The following USP48 variants were observed in gnomAD, a reference collection of about 807,000 sequenced individuals.
USP48 encodes the protein ubiquitin carboxyl-terminal hydrolase 48.
In USP48, 43 loss-of-function variants were observed where a neutral mutation model predicts 150.7. The observed-to-expected ratio is 0.29, with a 90% CI of 0.22 to 0.37. USP48 has a LOEUF of 0.37. Among genes scored for constraint, USP48 ranks in the 10% least tolerant of loss-of-function variants. The pLI is 1.00. For missense variants in USP48, 813 were observed against 1,249.6 expected (o/e 0.65, Z 5.27); for synonymous variants, 396 against 425.9 (o/e 0.93, Z 0.86).
rs571990782 is a variant in USP48 at position 21,730,448 on chromosome 1, G to GTTAAA, written c.1172-621_1172-617dup. On this transcript the variant is annotated intron_variant, in intron 9 of 26. Coordinates refer to ENST00000308271, the MANE Select transcript of USP48 (RefSeq NM_032236.8). The stretch of plus-strand genomic sequence containing the variant: ...GACTCTGTCTCATGAAAAAGAAAAA[G>GTTAAA]TTAAATTAAATTAAATTAAAAAATA... Among the ~76,000 whole-genome samples, 263 of 151,550 alleles carry GTTAAA rather than the reference G, an allele frequency of 1.7e-3. 1 individual carries two copies. The highest frequency in any genetic ancestry group is 6.1e-3 in the African/African-American group (250 of 41,282).
intron 10 of USP48, among the ~76,000 whole-genome samples, chr1:21,728,981 C>A (rs1428511196): frequency 6.6e-6 from 1 of 152,122 alleles, no homozygotes; most frequent in African/African-American, 2.4e-5. Flanking sequence ...CTCAAAATCA[C>A]CACTTTAGAA....
intron 14 of USP48, among the ~76,000 whole-genome samples, chr1:21,720,706 T>C (rs909311028): frequency 3.3e-5 from 5 of 152,090 alleles, no homozygotes; most frequent in Admixed American, 1.3e-4. Context: ...TATTTTTGTA[T>C]TTTTAGTAGA....
At chr1:21,773,425 G>A (rs1277731563) in intron 1 of USP48, among the ~76,000 whole-genome samples, 1 of 152,086 alleles carries the variant, frequency 6.6e-6, no homozygotes, top group Non-Finnish European at 1.5e-5. Context: ...CACTTTGGGA[G>A]GCCAAGGCTG....
At position 21,776,571 on chromosome 1, in the gene USP48, A is replaced by G. The variant is rs1385143715; in HGVS notation, c.134+6253T>C. 3.5e-5 allele frequency among the ~76,000 whole-genome samples: 5 copies of G among 144,550 alleles called. No individual in the cohort carries two copies. The East Asian group carries it at 1.1e-3, about 32-fold the overall frequency. 94.8% of individuals were successfully genotyped at this position (144,550 alleles called of 152,430 possible). A position where few individuals can be genotyped will look rare whatever the true frequency, so the allele number is the denominator to read the frequency against. On this transcript the variant is annotated intron_variant, in intron 1 of 26. Coordinates refer to ENST00000308271, the MANE Select transcript of USP48 (RefSeq NM_032236.8). ...AGACTCTGTCTCTATAAAAAAGGAG[A>G]AAGTGAATAGTGTCTTGTCTCAAAA... is the stretch of plus-strand genomic sequence containing the variant.
intron 1 of USP48, among the ~76,000 whole-genome samples, chr1:21,767,345 C>T (rs2097864608): frequency 1.3e-5 from 2 of 151,906 alleles, no homozygotes; most frequent in African/African-American, 4.8e-5. Context: ...GAGACGGTGT[C>T]TCGCTCTGTT....
chr1:21,729,339 T>A (rs1162419694), intron 10 of USP48, among the ~76,000 whole-genome samples: 1 of 150,306 alleles, frequency 6.7e-6, no homozygotes, highest in Non-Finnish European at 1.5e-5. Context: ...AAGTGCTGAG[T>A]AAAATGATTC....
chr1:21,775,105 T>C (rs189019655), intron 1 of USP48, among the ~76,000 whole-genome samples: 2 of 152,250 alleles, frequency 1.3e-5, no homozygotes, highest in East Asian at 1.9e-4. Context: ...CTTTGTTCTT[T>C]TTCCTTTGAG....
intron 22 of USP48, among the ~76,000 whole-genome samples, chr1:21,698,655 A>G (rs1430772041): frequency 6.6e-6 from 1 of 152,234 alleles, no homozygotes; most frequent in Non-Finnish European, 1.5e-5. Context: ...ACCAGAGAAC[A>G]GATAATTAGT....
chr1:21,727,103 A>C (rs757189466), intron 11 of USP48, among the ~76,000 whole-genome samples: 10 of 152,178 alleles, frequency 6.6e-5, no homozygotes, highest in Non-Finnish European at 1.3e-4. Context: ...AAAGGGCCAA[A>C]AGCACGTTCC....
Position 21,782,967 on chromosome 1 carries a change from C to G in USP48, c.-10G>C, listed in dbSNP as rs777829111. ...GCAGCCGCGGGGCCATGGCCTTGGC[C>G]CCAGGAACGCCTCCCGAGCCAGACC... On this transcript the variant is annotated 5_prime_UTR_variant, in exon 1 of 27. Transcript: ENST00000308271. 12 of 1,529,276 alleles carry G rather than the reference C, an allele frequency of 7.8e-6. No individual in the cohort carries two copies. In the South Asian group the frequency reaches 1.5e-4, roughly 19 times the overall value. 94.7% of individuals were successfully genotyped at this position (1,529,276 alleles called of 1,614,324 possible). A position where few individuals can be genotyped will look rare whatever the true frequency, so the allele number is the denominator to read the frequency against.
chr1:21,757,557 C>A (rs2097840037), intron 2 of USP48, 106 bp downstream of exon 2: 18 of 1,278,206 alleles, frequency 1.4e-5, no homozygotes, highest in Non-Finnish European at 1.9e-5. Context: ...TAAAGCTGCA[C>A]AGGTTACCTG....
At chr1:21,741,819 A>T (rs561616979) in intron 8 of USP48, among the ~76,000 whole-genome samples, 19 of 152,148 alleles carry the variant, frequency 1.2e-4, no homozygotes, top group Admixed American at 3.9e-4. Flanking sequence ...ATAAAAACTT[A>T]AAAAATTAAC....
intron 15 of USP48, among the ~76,000 whole-genome samples, chr1:21,710,527 T>C (rs1471929458): frequency 1.3e-5 from 2 of 152,222 alleles, no homozygotes; most frequent in Admixed American, 1.3e-4. Flanking sequence ...GAAAGCTTGA[T>C]ATATATAATA....
chr1:21,713,170 A>G (rs1446447889), intron 15 of USP48, among the ~76,000 whole-genome samples: 2 of 151,820 alleles, frequency 1.3e-5, no homozygotes, highest in Admixed American at 6.6e-5. Context: ...TGGCACGTGA[A>G]TATGGCTCAC....
chr1:21,756,368 C>T (rs482599), intron 3 of USP48, among the ~76,000 whole-genome samples, 178 bp downstream of exon 3: 1 of 150,422 alleles, frequency 6.6e-6, no homozygotes, highest in Non-Finnish European at 1.5e-5. Context: ...GTAATCCCAG[C>T]TTCTCAAGAG....
chr1:21,705,834 C>T lies in USP48; in HGVS notation c.2277G>A (p.Lys759=), dbSNP rs763030387. The change falls in exon 19 of 27, where the codon AAG becomes AAA. Residue 759 remains lysine, a synonymous_variant. Transcript: ENST00000308271. The part of the protein sequence containing the change: ...FVEEWRKFVR[K]PTRCSPVSSV... The stretch of plus-strand genomic sequence containing the variant: ...ATGACACAGGGCTGCATCTTGTAGG[C>T]TTTCTACTCAAATGAGACAAGGAGG... The T allele has an allele frequency of 5.6e-6, 9 of 1,595,328 alleles. No individual in the cohort carries two copies. In the South Asian group the frequency reaches 9.3e-5, roughly 16 times the overall value.
chr1:21,730,972 G>T (rs2097755417), intron 9 of USP48, among the ~76,000 whole-genome samples: 2 of 151,894 alleles, frequency 1.3e-5, no homozygotes, highest in South Asian at 4.2e-4. Flanking sequence ...TGTTGGCCAG[G>T]ATGGTCTCGA....
At chr1:21,763,341 G>A (rs1000791556) in intron 1 of USP48, among the ~76,000 whole-genome samples, 10 of 152,144 alleles carry the variant, frequency 6.6e-5, no homozygotes, top group Admixed American at 1.3e-4. Context: ...TATGGCTCCC[G>A]AGCCTCTATG....
rs141913766 is a variant in USP48, at chr1:21,702,608, G to C, written c.2622+904C>G. ...ATAAATCAGATCATATCATGACCTT[G>C]CTTGAAACTCTCCAGGGGCTTATAT... On this transcript the variant is annotated intron_variant, in intron 21 of 26. Coordinates refer to ENST00000308271, the MANE Select transcript of USP48 (RefSeq NM_032236.8). 4.6e-3 allele frequency among the ~76,000 whole-genome samples: 675 copies of C among 145,762 alleles called. 5 individuals are homozygous for C. The highest frequency in any genetic ancestry group is 0.016 in the African/African-American group (629 of 39,512).
Sources: allele counts gnomAD v4.1 joint callset (sites outside exome capture counted in the v4.1 genomes callset), GRCh38; gene constraint gnomAD v4.1.1; transcripts MANE v1.5; gene names NCBI Gene and HGNC (gene_info 2026-07-23, HGNC 2026-07-21).